The following CSGALNACT1 variants were observed in gnomAD, a reference collection of about 807,000 sequenced individuals.
CSGALNACT1 encodes chondroitin sulfate N-acetylgalactosaminyltransferase 1, also known as beta4GalNAcT-1.
Under a neutral mutation model 51.0 loss-of-function variants are expected in CSGALNACT1, and 52 were observed. That is an observed-to-expected ratio of 1.02 (90% CI 0.82 to 1.29). CSGALNACT1 has a LOEUF of 1.29. Among genes scored for constraint, CSGALNACT1 ranks in the 50% most tolerant of loss-of-function variants. The pLI is 0.00. For missense variants in CSGALNACT1, 935 were observed against 679.2 expected (o/e 1.38, Z -4.19); for synonymous variants, 341 against 254.4 (o/e 1.34, Z -3.24).
intron 1 of CSGALNACT1, among the ~76,000 whole-genome samples, chr8:19,663,548 A>T (rs1380099156): frequency 6.6e-6 from 1 of 152,214 alleles, no homozygotes; most frequent in Non-Finnish European, 1.5e-5. Context: ...TTCCACAGGG[A>T]AGAAACAGGC....
At chr8:19,417,755 C>T (rs542956477) in intron 8 of CSGALNACT1, among the ~76,000 whole-genome samples, 1 of 152,336 alleles carries the variant, frequency 6.6e-6, no homozygotes, top group Admixed American at 6.5e-5. Context: ...AACACAGCTT[C>T]AGACAAACCT....
chr8:19,536,358 T>C (rs549928672), intron 3 of CSGALNACT1, among the ~76,000 whole-genome samples: 14 of 151,792 alleles, frequency 9.2e-5, no homozygotes, highest in African/African-American at 3.1e-4. Context: ...AAAAAACAAA[T>C]GCATCTCCAC....
chr8:19,630,841 AC>A (rs2055150763), intron 1 of CSGALNACT1, among the ~76,000 whole-genome samples: 1 of 150,608 alleles, frequency 6.6e-6, no homozygotes, highest in Non-Finnish European at 1.5e-5. Flanking sequence ...TTTTAGGGTT[AC>A]CAAAAAAGTG....
At chr8:19,589,865 C>G (rs1386912548) in intron 3 of CSGALNACT1, among the ~76,000 whole-genome samples, 1 of 152,028 alleles carries the variant, frequency 6.6e-6, no homozygotes, top group Non-Finnish European at 1.5e-5. Flanking sequence ...AGAAAATAGG[C>G]AGTTTGTGGA....
intron 3 of CSGALNACT1, among the ~76,000 whole-genome samples, chr8:19,572,707 G>A (rs2043284315): frequency 6.6e-6 from 1 of 152,176 alleles, no homozygotes; most frequent in Non-Finnish European, 1.5e-5. Flanking sequence ...GCTAAAGGTG[G>A]AAATTGGATA....
intron 4 of CSGALNACT1, among the ~76,000 whole-genome samples, chr8:19,462,468 G>T (rs1040594129): frequency 6.6e-6 from 1 of 152,272 alleles, no homozygotes; most frequent in South Asian, 2.1e-4. Context: ...TCAAGAGATG[G>T]ACATCTATTT....
chr8:19,528,653 T>C (rs1386831098), intron 3 of CSGALNACT1, among the ~76,000 whole-genome samples: 1 of 152,204 alleles, frequency 6.6e-6, no homozygotes, highest in Non-Finnish European at 1.5e-5. Flanking sequence ...CCCCAAATCA[T>C]CCAACCAAGA....
chr8:19,420,601 C>T, intron 6 of CSGALNACT1, 83 bp from the exon 6 acceptor site: 2 of 1,408,124 alleles, frequency 1.4e-6, no homozygotes. Context: ...CAGGGCCCAT[C>T]CACATCTTGA....
At chr8:19,420,279 A>T in intron 7 of CSGALNACT1, 61 bp downstream of exon 6, 2 of 1,496,704 alleles carry the variant, frequency 1.3e-6, no homozygotes, top group East Asian at 2.3e-5. Flanking sequence ...CATCAAGAGG[A>T]CGACACATGG....
At chr8:19,691,459 G>A (rs559707872) in intron 1 of CSGALNACT1, among the ~76,000 whole-genome samples, 1 of 152,294 alleles carries the variant, frequency 6.6e-6, no homozygotes, top group South Asian at 2.1e-4. Flanking sequence ...AACACCAATT[G>A]CCTTCTCATT....
intron 1 of CSGALNACT1, among the ~76,000 whole-genome samples, chr8:19,730,005 C>G (rs983826954): frequency 1.3e-5 from 2 of 152,178 alleles, no homozygotes; most frequent in Admixed American, 1.3e-4. Context: ...ATTCCATGTT[C>G]AGAGGGAGCG....
intron 1 of CSGALNACT1, among the ~76,000 whole-genome samples, chr8:19,710,379 T>C (rs2062429222): frequency 6.6e-6 from 1 of 152,050 alleles, no homozygotes; most frequent in East Asian, 1.9e-4. Flanking sequence ...AGTGAAATCA[T>C]CTGAAAAAAG....
At chr8:19,565,344 A>G (rs2041687506) in intron 3 of CSGALNACT1, among the ~76,000 whole-genome samples, 1 of 152,162 alleles carries the variant, frequency 6.6e-6, no homozygotes, top group African/African-American at 2.4e-5. Flanking sequence ...ATAAACTGTC[A>G]CCTCTCCAGG....
At chr8:19,617,015 C>CA (rs1213468832) in intron 1 of CSGALNACT1, among the ~76,000 whole-genome samples, 1 of 152,182 alleles carries the variant, frequency 6.6e-6, no homozygotes, top group Non-Finnish European at 1.5e-5. Flanking sequence ...TTACACAACT[C>CA]ACCATAATGT....
At chr8:19,541,412 G>A (rs1259817414) in intron 3 of CSGALNACT1, among the ~76,000 whole-genome samples, 2 of 151,114 alleles carry the variant, frequency 1.3e-5, no homozygotes, top group East Asian at 1.9e-4. Flanking sequence ...CACCACACCC[G>A]GCTAATTTTT....
intron 3 of CSGALNACT1, among the ~76,000 whole-genome samples, chr8:19,549,178 CT>C (rs1371682504): frequency 6.6e-6 from 1 of 151,654 alleles, no homozygotes; most frequent in Non-Finnish European, 1.5e-5. Context: ...GGATTTAGTT[CT>C]CTTACTTTTT....
chr8:19,696,559 G>T (rs1202890626), intron 1 of CSGALNACT1, among the ~76,000 whole-genome samples: 1 of 152,180 alleles, frequency 6.6e-6, no homozygotes, highest in Non-Finnish European at 1.5e-5. Flanking sequence ...AGCTACAGTG[G>T]TTATGAACCC....
intron 1 of CSGALNACT1, among the ~76,000 whole-genome samples, chr8:19,611,182 A>G (rs990217374): frequency 2.0e-5 from 3 of 152,274 alleles, no homozygotes; most frequent in Non-Finnish European, 2.9e-5. Flanking sequence ...GGAGACTACC[A>G]GAGGCAGATT....
chr8:19,504,329 G>C (rs943133688), intron 4 of CSGALNACT1, among the ~76,000 whole-genome samples: 3 of 152,144 alleles, frequency 2.0e-5, no homozygotes, highest in Non-Finnish European at 4.4e-5. Flanking sequence ...GCCTGCCTGG[G>C]CCTCCCAAAG....
Sources: allele counts gnomAD v4.1 joint callset (sites outside exome capture counted in the v4.1 genomes callset), GRCh38; gene constraint gnomAD v4.1.1; transcripts MANE v1.5; gene names NCBI Gene and HGNC (gene_info 2026-07-23, HGNC 2026-07-21).